AUTS2: variants seen among roughly 807,000 people sequenced by gnomAD.
The protein encoded by AUTS2 is activator of transcription and developmental regulator AUTS2.
In AUTS2, 17 loss-of-function variants were observed where a neutral mutation model predicts 112.4. The ratio of observed to expected loss-of-function variants is 0.15; its 90% CI spans 0.10 to 0.23. AUTS2 has a LOEUF of 0.23. Ranked by LOEUF, AUTS2 falls within the 10% of genes least tolerant of loss-of-function variation. AUTS2 has a pLI of 1.00. For synonymous variants in AUTS2, 751 were observed against 702.7 expected (o/e 1.07, Z -1.09); for missense variants, 1,510 against 1,701.6 (o/e 0.89, Z 1.98).
At chr7:70,578,262 C>T (rs972571364) in intron 5 of AUTS2, among the ~76,000 whole-genome samples, 20 of 152,276 alleles carry the variant, frequency 1.3e-4, no homozygotes, top group Middle Eastern at 6.8e-3. Context: ...AAATAAGTTT[C>T]GATTGTCCTG....
At chr7:70,540,176 T>C (rs577354519) in intron 5 of AUTS2, among the ~76,000 whole-genome samples, 5 of 152,298 alleles carry the variant, frequency 3.3e-5, no homozygotes, top group African/African-American at 7.2e-5. Flanking sequence ...ATAGTCCTTC[T>C]TGGGTGGTAG....
At chr7:70,693,740 C>T (rs556493655) in intron 5 of AUTS2, among the ~76,000 whole-genome samples, 48 of 152,364 alleles carry the variant, frequency 3.2e-4, no homozygotes, top group African/African-American at 1.1e-3. Context: ...AATTCAACCC[C>T]AGGCTGCGGG....
chr7:70,631,015 C>T lies in AUTS2; in HGVS notation c.691-67554C>T, dbSNP rs190551711. ...GCGTACTTTAATGAAGAAGATAAAG[C>T]GGCCCGGCTGGTGTCCCACAGGCTC... On this transcript the variant is annotated intron_variant, in intron 5 of 18. Coordinates refer to ENST00000342771, the MANE Select transcript of AUTS2 (RefSeq NM_015570.4). The surrounding 1 kb of genome is among the most constrained non-coding windows in gnomAD (Gnocchi z 4.5). 6.6e-5 allele frequency among the ~76,000 whole-genome samples: 10 copies of T among 152,174 alleles called. No homozygotes were observed. The East Asian group carries it at 1.6e-3, about 24-fold the overall frequency.
chr7:70,675,967 G>C (rs977095899), intron 5 of AUTS2, among the ~76,000 whole-genome samples: 1 of 152,236 alleles, frequency 6.6e-6, no homozygotes, highest in Non-Finnish European at 1.5e-5. Context: ...CCATGGGGCA[G>C]TGTCAAAGGA....
chr7:70,625,011 C>G (rs1413805424), intron 5 of AUTS2, among the ~76,000 whole-genome samples: 2 of 152,106 alleles, frequency 1.3e-5, no homozygotes, highest in African/African-American at 2.4e-5. Context: ...AGCCAGCAGC[C>G]TGGCTCATCA....
chr7:70,270,406 G>A (rs1309918105), intron 4 of AUTS2, among the ~76,000 whole-genome samples: 1 of 152,100 alleles, frequency 6.6e-6, no homozygotes, highest in African/African-American at 2.4e-5. Context: ...TGGAAAAATT[G>A]GTGTGGTAGT....
At position 70,698,505 on chromosome 7, in the gene AUTS2, T is replaced by A. The variant is rs923667325; in HGVS notation, c.691-64T>A. 6 of 1,339,018 alleles carry A rather than the reference T, an allele frequency of 4.5e-6. No individual in the cohort carries two copies. The African/African-American group carries it at 8.7e-5, about 19-fold the overall frequency. 82.9% of individuals were successfully genotyped at this position (1,339,018 alleles called of 1,614,324 possible). A position where few individuals can be genotyped will look rare whatever the true frequency, so the allele number is the denominator to read the frequency against. ...GTCAACTGATTTAAAATAATGGGAA[T>A]GTTGATGGTGATGACAATATTAATG... On this transcript the variant is annotated intron_variant, in intron 5 of 18. Coordinates refer to ENST00000342771, the MANE Select transcript of AUTS2 (RefSeq NM_015570.4).
intron 2 of AUTS2, among the ~76,000 whole-genome samples, chr7:70,061,532 G>A (rs1045242844): frequency 6.6e-6 from 1 of 152,138 alleles, no homozygotes; most frequent in Non-Finnish European, 1.5e-5. Context: ...AGGTCATTAT[G>A]TTTCCAAATG....
At chr7:70,444,081 G>C (rs1403542645) in intron 5 of AUTS2, among the ~76,000 whole-genome samples, 1 of 152,166 alleles carries the variant, frequency 6.6e-6, no homozygotes, top group Non-Finnish European at 1.5e-5. Context: ...AGGGAAAGTT[G>C]TAAAGCCAAG....
At chr7:70,391,010 C>A (rs1269502368) in intron 4 of AUTS2, among the ~76,000 whole-genome samples, 1 of 152,180 alleles carries the variant, frequency 6.6e-6, no homozygotes, top group Non-Finnish European at 1.5e-5. Flanking sequence ...TGTGAAGGAA[C>A]TGAATGCCCT....
chr7:69,893,751 G>A (rs1311735484), intron 1 of AUTS2, among the ~76,000 whole-genome samples: 1 of 152,126 alleles, frequency 6.6e-6, no homozygotes. Context: ...CAGACAAATT[G>A]TGCCCTCATT....
At chr7:69,651,835 G>A (rs1795303301) in intron 1 of AUTS2, among the ~76,000 whole-genome samples, 1 of 152,186 alleles carries the variant, frequency 6.6e-6, no homozygotes, top group Admixed American at 6.5e-5. Flanking sequence ...ATAAAGATTA[G>A]CAAATCAAGG....
At chr7:70,630,776 A>T (rs945954665) in intron 5 of AUTS2, among the ~76,000 whole-genome samples, 2 of 152,236 alleles carry the variant, frequency 1.3e-5, no homozygotes, top group African/African-American at 4.8e-5. Context: ...GACCCATTTC[A>T]TACAAAATTT....
At chr7:69,882,174 A>G (rs1794081978) in intron 1 of AUTS2, among the ~76,000 whole-genome samples, 1 of 143,006 alleles carries the variant, frequency 7.0e-6, no homozygotes, top group South Asian at 2.3e-4. Flanking sequence ...AAAAAAAAAA[A>G]AAAGACCAAG....
intron 4 of AUTS2, among the ~76,000 whole-genome samples, chr7:70,175,100 T>G (rs1167686406): frequency 1.3e-5 from 2 of 152,088 alleles, no homozygotes; most frequent in African/African-American, 4.8e-5. Flanking sequence ...TCATGACATA[T>G]AGGAGGAAAT....
intron 4 of AUTS2, among the ~76,000 whole-genome samples, chr7:70,402,367 G>A (rs1794361562): frequency 6.6e-6 from 1 of 152,246 alleles, no homozygotes; most frequent in African/African-American, 2.4e-5. Flanking sequence ...CTCCACTGAA[G>A]TGGGGTCAGC....
chr7:69,669,536 C>G (rs2129152863), intron 1 of AUTS2, among the ~76,000 whole-genome samples: 1 of 151,934 alleles, frequency 6.6e-6, no homozygotes, highest in Admixed American at 6.6e-5. Flanking sequence ...TTGCTTGTTT[C>G]TAATATTTAT....
chr7:70,491,867 G>A (rs1035777991), intron 5 of AUTS2, among the ~76,000 whole-genome samples: 1 of 151,952 alleles, frequency 6.6e-6, no homozygotes, highest in African/African-American at 2.4e-5. Flanking sequence ...CGCCCGCCTC[G>A]GCCTCCCAGA....
intron 3 of AUTS2, among the ~76,000 whole-genome samples, chr7:70,131,508 T>C (rs1806269555): frequency 6.6e-6 from 1 of 152,198 alleles, no homozygotes; most frequent in Non-Finnish European, 1.5e-5. Flanking sequence ...CTTTGGTGAC[T>C]GTGTCTTCTA....
Sources: gnomAD v4.1 joint callset for allele counts (sites outside exome capture counted in the v4.1 genomes callset) on GRCh38, gnomAD v4.1.1 for gene constraint, Gnocchi (gnomAD v3.1) non-coding constraint, MANE v1.5 for transcripts, NCBI Gene and HGNC (gene_info 2026-07-23, HGNC 2026-07-21) for gene names.